Variants in NLGN1 observed in about 807,000 individuals in gnomAD.
NLGN1 encodes neuroligin 1, also known as neuroligin-1.
NLGN1 carries 12 observed loss-of-function variants against 65.5 expected under a neutral mutation model. The ratio of observed to expected loss-of-function variants is 0.18; its 90% confidence interval spans 0.12 to 0.30. The LOEUF (loss-of-function observed/expected upper bound fraction) is 0.30. Among genes scored for constraint, NLGN1 ranks in the 10% least tolerant of loss-of-function variants. NLGN1 has a pLI of 1.00. For synonymous variants in NLGN1, 350 were observed against 359.5 expected (o/e 0.97, Z 0.30); for missense variants, 750 against 1,007.1 (o/e 0.74, Z 3.46).
At chr3:173,594,862 C>T (rs1334411567) in intron 2 of NLGN1, among the ~76,000 whole-genome samples, 8 of 152,244 alleles carry the variant, frequency 5.3e-5, no homozygotes, top group African/African-American at 1.9e-4. Context: ...GGGGCTTGCA[C>T]CCTCTGAAGC....
At chr3:173,759,489 G>A (rs1777636750) in intron 3 of NLGN1, among the ~76,000 whole-genome samples, 1 of 151,820 alleles carries the variant, frequency 6.6e-6, no homozygotes. Flanking sequence ...TTTTTAATTT[G>A]AACACGTTTT....
At chr3:173,412,027 TTC>T (rs1200341198) in intron 1 of NLGN1, among the ~76,000 whole-genome samples, 3 of 152,176 alleles carry the variant, frequency 2.0e-5, no homozygotes, top group Non-Finnish European at 2.9e-5. Flanking sequence ...AGCAACCACT[TTC>T]TCTCTCTCAC....
At chr3:174,028,844 G>A (rs971768833) in intron 4 of NLGN1, among the ~76,000 whole-genome samples, 41 of 152,194 alleles carry the variant, frequency 2.7e-4, no homozygotes, top group African/African-American at 9.6e-4. Context: ...CACAGGCCTG[G>A]AGGCTTAGGA....
At chr3:174,223,879 T>C (rs1384579707) in intron 4 of NLGN1, among the ~76,000 whole-genome samples, 1 of 152,186 alleles carries the variant, frequency 6.6e-6, no homozygotes, top group Non-Finnish European at 1.5e-5. Flanking sequence ...CCTGAGTTAA[T>C]GAGACTGTAT....
chr3:173,539,631 T>TAC (rs1485954884), intron 2 of NLGN1, among the ~76,000 whole-genome samples: 1 of 58,512 alleles, frequency 1.7e-5, no homozygotes, highest in African/African-American at 3.9e-5. Flanking sequence ...TATTTATATA[T>TAC]ACACATATAT....
intron 4 of NLGN1, among the ~76,000 whole-genome samples, chr3:174,101,402 G>A (rs1422002594): frequency 6.6e-6 from 1 of 152,130 alleles, no homozygotes; most frequent in African/African-American, 2.4e-5. Flanking sequence ...GTAGCTTTCA[G>A]GTCTCTAGTC....
intron 4 of NLGN1, among the ~76,000 whole-genome samples, chr3:174,195,823 T>G (rs1176298357): frequency 6.6e-6 from 1 of 151,956 alleles, no homozygotes; most frequent in Non-Finnish European, 1.5e-5. Context: ...GGAAATTAAG[T>G]ATAATCAGAG....
intron 2 of NLGN1, among the ~76,000 whole-genome samples, chr3:173,510,334 G>A (rs1339754079): frequency 6.6e-6 from 1 of 152,116 alleles, no homozygotes; most frequent in Non-Finnish European, 1.5e-5. Flanking sequence ...AGGCTCAGCA[G>A]GTGATATCAT....
chr3:173,436,317 A>G (rs1038854767), intron 2 of NLGN1, among the ~76,000 whole-genome samples: 3 of 152,194 alleles, frequency 2.0e-5, no homozygotes, highest in African/African-American at 7.2e-5. Context: ...TTATAAACAA[A>G]CGGAAGACTG....
In NLGN1 at chr3:174,088,532, G is replaced by A. The variant is rs568377984; in HGVS notation, c.647-186783G>A. ...AGCACTTTGGGAGGCTGAGGCAGGC[G>A]GATCACGAGGTCGGGAGATTGAGAC... is the stretch of plus-strand genomic sequence containing the variant. On this transcript the variant is annotated intron_variant, in intron 4 of 6. Coordinates refer to ENST00000457714, the Ensembl canonical transcript of NLGN1. Among the ~76,000 whole-genome samples the A allele has an allele frequency of 2.0e-5, 3 of 152,090 alleles. No homozygotes were observed. The South Asian group carries it at 6.2e-4, about 32-fold the overall frequency.
At chr3:173,488,058 ATT>A (rs1273894649) in intron 2 of NLGN1, among the ~76,000 whole-genome samples, 1 of 150,680 alleles carries the variant, frequency 6.6e-6, no homozygotes, top group African/African-American at 2.4e-5. Flanking sequence ...TCTGTTTGAT[ATT>A]TTCTTCATTC....
At chr3:174,167,529 TA>T (rs1009402726) in intron 4 of NLGN1, among the ~76,000 whole-genome samples, 10 of 152,012 alleles carry the variant, frequency 6.6e-5, no homozygotes, top group African/African-American at 2.4e-4. Flanking sequence ...TCTTGGCTTA[TA>T]AGGTTTCTGC....
chr3:174,066,698 G>A (rs975931576), intron 4 of NLGN1, among the ~76,000 whole-genome samples: 2 of 151,876 alleles, frequency 1.3e-5, no homozygotes, highest in Non-Finnish European at 2.9e-5. Flanking sequence ...GTAAAATTAT[G>A]TCTTGTTAAC....
At chr3:174,001,310 C>A (rs1387887755) in intron 4 of NLGN1, among the ~76,000 whole-genome samples, 1 of 150,706 alleles carries the variant, frequency 6.6e-6, no homozygotes, top group Non-Finnish European at 1.5e-5. Flanking sequence ...CAACTCAGTA[C>A]TAGAGTTAGA....
intron 2 of NLGN1, among the ~76,000 whole-genome samples, chr3:173,500,152 A>T (rs1029314903): frequency 6.6e-6 from 1 of 152,112 alleles, no homozygotes; most frequent in African/African-American, 2.4e-5. Context: ...GAATGCTTCC[A>T]GTTTTTGTCC....
chr3:173,783,453 A>G lies in NLGN1; in HGVS notation c.494-24227A>G, dbSNP rs76893982. 5.5e-3 allele frequency among the ~76,000 whole-genome samples: 844 copies of G among 152,296 alleles called. 11 individuals are homozygous for G. The highest frequency in any genetic ancestry group is 0.019 in the African/African-American group (800 of 41,556). On this transcript the variant is annotated intron_variant, in intron 3 of 6. Coordinates refer to ENST00000457714, the Ensembl canonical transcript of NLGN1. ...CCAGATAAGAAGGTTGCAGCTGATT[A>G]TCTCATGCCCTAGATGTCATTCTGA... is the stretch of plus-strand genomic sequence containing the variant.
intron 1 of NLGN1, among the ~76,000 whole-genome samples, chr3:173,400,867 G>C (rs78032477): frequency 0.026 from 3,950 of 152,274 alleles, 149 homozygotes; most frequent in African/African-American, 0.085. Flanking sequence ...TGGCTATGAA[G>C]TAACAGAAAA....
chr3:173,980,817 A>C (rs1270743102), intron 4 of NLGN1, among the ~76,000 whole-genome samples: 1 of 152,078 alleles, frequency 6.6e-6, no homozygotes, highest in African/African-American at 2.4e-5. Flanking sequence ...ATCCTCCAAA[A>C]TTTGAGTACT....
At chr3:173,567,998 G>A (rs904375512) in intron 2 of NLGN1, among the ~76,000 whole-genome samples, 6 of 151,228 alleles carry the variant, frequency 4.0e-5, no homozygotes, top group African/African-American at 1.5e-4. Flanking sequence ...ATATATTTAT[G>A]GTGTTACACA....
Sources: gnomAD v4.1 joint callset for allele counts (sites outside exome capture counted in the v4.1 genomes callset) on GRCh38, gnomAD v4.1.1 for gene constraint, MANE v1.5 for transcripts, NCBI Gene and HGNC (gene_info 2026-07-23, HGNC 2026-07-21) for gene names.